Variants in EYS observed in about 807,000 individuals in gnomAD.
EYS encodes protein eyes shut homolog.
EYS carries 250 observed loss-of-function variants against 282.1 expected under a neutral mutation model. That is an observed-to-expected ratio of 0.89 (90% CI 0.80 to 0.98). EYS has a LOEUF of 0.98. Ranked by LOEUF, EYS falls within the 50% of genes least tolerant of loss-of-function variation. EYS has a pLI of 0.00. For synonymous variants in EYS, 1,355 were observed against 1,282.9 expected, an observed-to-expected ratio of 1.06 and a Z score of -1.20; for missense variants, 4,016 against 3,709.0, an observed-to-expected ratio of 1.08 and a Z score of -2.15.
chr6:64,465,990 A>G (rs1775903970), intron 26 of EYS, among the ~76,000 whole-genome samples: 1 of 151,210 alleles, frequency 6.6e-6, no homozygotes. Context: ...CCAACAGTAT[A>G]TGAAAAGAAT....
At chr6:63,740,970 A>C (rs1389436557) in intron 41 of EYS, among the ~76,000 whole-genome samples, 1 of 152,206 alleles carries the variant, frequency 6.6e-6, no homozygotes, top group Admixed American at 6.5e-5. Context: ...TCAGTGACTC[A>C]TACCAAGTTT....
chr6:64,902,548 G>T, intron 16 of EYS, 48 bp from the exon 17 acceptor site: 1 of 1,158,342 alleles, frequency 8.6e-7, no homozygotes, highest in African/African-American at 1.6e-5. Flanking sequence ...TTGTTATAGA[G>T]TAAAAAAATC....
At chr6:64,342,632 A>C (rs1023786849) in intron 29 of EYS, among the ~76,000 whole-genome samples, 33 of 152,124 alleles carry the variant, frequency 2.2e-4, no homozygotes, top group African/African-American at 6.7e-4. Context: ...TAAAGACCAT[A>C]AAGGCTAGGA....
At chr6:65,059,712 TGTAAAGAGGTAACAAGAGAA>T (rs1041650965) in intron 12 of EYS, among the ~76,000 whole-genome samples, 1 of 152,106 alleles carries the variant, frequency 6.6e-6, no homozygotes, top group African/African-American at 2.4e-5. Flanking sequence ...ATTTAGATCC[TGTAAAGAGGTAACAAGAGAA>T]GCACCTCAGG....
chr6:65,298,092 G>A (rs927621920), intron 11 of EYS, among the ~76,000 whole-genome samples: 1 of 152,010 alleles, frequency 6.6e-6, no homozygotes, highest in Non-Finnish European at 1.5e-5. Context: ...AGGATATCCT[G>A]TACAAGAATA....
intron 2 of EYS, among the ~76,000 whole-genome samples, chr6:65,544,526 C>T (rs1402165787): frequency 6.6e-6 from 1 of 152,078 alleles, no homozygotes; most frequent in Non-Finnish European, 1.5e-5. Context: ...TTGCTCTGCA[C>T]TTCTCCTTGC....
intron 26 of EYS, among the ~76,000 whole-genome samples, chr6:64,501,246 CAA>C (rs1306783194): frequency 1.3e-5 from 2 of 151,752 alleles, no homozygotes; most frequent in African/African-American, 4.8e-5. Flanking sequence ...ATAAGTGAAA[CAA>C]GAGAACAAAT....
chr6:64,813,132 C>G (rs1764645373), intron 22 of EYS, among the ~76,000 whole-genome samples: 1 of 150,776 alleles, frequency 6.6e-6, no homozygotes, highest in African/African-American at 2.4e-5. Flanking sequence ...GATAAAAAAA[C>G]AATGATAAAA....
At chr6:64,348,499 A>G (rs1410438134) in intron 29 of EYS, among the ~76,000 whole-genome samples, 4 of 151,456 alleles carry the variant, frequency 2.6e-5, no homozygotes, top group Non-Finnish European at 5.9e-5. Context: ...ATTGCCAAAC[A>G]CTGTGCCTGG....
intron 26 of EYS, among the ~76,000 whole-genome samples, chr6:64,501,456 A>G (rs1423188318): frequency 1.3e-5 from 2 of 152,120 alleles, no homozygotes; most frequent in Non-Finnish European, 2.9e-5. Flanking sequence ...GTATATACAT[A>G]CACATATATA....
rs1229194486 is a variant in EYS at position 65,569,946 on chromosome 6, GGC to G, written c.-333+69830_-333+69831del. Among the ~76,000 whole-genome samples, 775 of 152,110 alleles carry G rather than the reference GGC, an allele frequency of 5.1e-3. 4 individuals carry two copies. Among genetic ancestry groups the G allele is most frequent in the African/African-American group, 0.017 (706 of 41,466 alleles). On this transcript the variant is annotated intron_variant, in intron 2 of 42. Coordinates refer to ENST00000503581, the MANE Select transcript of EYS (RefSeq NM_001142800.2). ...ATAAATCAGCTCAATCTAGGCAGCA[GGC>G]AAAATGAACCTGTTGAGTGGTTACA... is the stretch of plus-strand genomic sequence containing the variant.
chr6:64,388,581 C>T lies in EYS; in HGVS notation c.6078+109G>A, dbSNP rs1474243578. On this transcript the variant is annotated intron_variant, in intron 29 of 42. Coordinates refer to ENST00000503581, the MANE Select transcript of EYS (RefSeq NM_001142800.2). ...AACTTTTTTGAAACCATGCAGATGG[C>T]CCCACTAGCCAGAAAATATTTCTAA... 7 of 1,005,092 alleles carry T rather than the reference C, an allele frequency of 7.0e-6. No individual in the cohort carries two copies. In the Admixed American group the frequency reaches 1.0e-4, roughly 15 times the overall value. 62.3% of individuals were successfully genotyped at this position (1,005,092 alleles called of 1,614,324 possible). A position where few individuals can be genotyped will look rare whatever the true frequency, so the allele number is the denominator to read the frequency against.
At chr6:64,382,259 T>G (rs959449691) in intron 29 of EYS, among the ~76,000 whole-genome samples, 1 of 152,132 alleles carries the variant, frequency 6.6e-6, no homozygotes, top group African/African-American at 2.4e-5. Context: ...CTCTTCACTC[T>G]CTCCTGAGGT....
chr6:63,861,888 A>G (rs1293540970), intron 36 of EYS, among the ~76,000 whole-genome samples: 1 of 152,210 alleles, frequency 6.6e-6, no homozygotes, highest in Non-Finnish European at 1.5e-5. Context: ...TCAGTGAGAA[A>G]TACATTTCTG....
At chr6:65,188,508 T>C (rs1765565055) in intron 12 of EYS, among the ~76,000 whole-genome samples, 1 of 151,634 alleles carries the variant, frequency 6.6e-6, no homozygotes, top group South Asian at 2.1e-4. Flanking sequence ...GTCTCAGTGG[T>C]AGTCAGAATA....
intron 31 of EYS, among the ~76,000 whole-genome samples, chr6:64,186,362 G>C (rs563956953): frequency 5.9e-5 from 9 of 151,878 alleles, no homozygotes; most frequent in Admixed American, 1.3e-4. Flanking sequence ...ACAATAACTG[G>C]GGGAATTATG....
At chr6:65,023,988 C>A (rs925144461) in intron 13 of EYS, among the ~76,000 whole-genome samples, 2 of 152,048 alleles carry the variant, frequency 1.3e-5, no homozygotes, top group Non-Finnish European at 2.9e-5. Context: ...ACGTACTAGT[C>A]AAGATGGAAG....
intron 29 of EYS, among the ~76,000 whole-genome samples, chr6:64,312,077 T>C (rs1769733935): frequency 6.6e-6 from 1 of 151,084 alleles, no homozygotes; most frequent in Admixed American, 6.6e-5. Context: ...AGTCAAGTGC[T>C]CTGGCTCAGC....
At chr6:65,481,019 G>T (rs1765588798) in intron 5 of EYS, among the ~76,000 whole-genome samples, 1 of 152,142 alleles carries the variant, frequency 6.6e-6, no homozygotes, top group African/African-American at 2.4e-5. Flanking sequence ...TAGCTAGATA[G>T]AAGGAATGGT....
Sources: allele counts gnomAD v4.1 joint callset (sites outside exome capture counted in the v4.1 genomes callset), GRCh38; gene constraint gnomAD v4.1.1; transcripts MANE v1.5; gene names NCBI Gene and HGNC (gene_info 2026-07-23, HGNC 2026-07-21).